Variants in NCAM2 observed in about 807,000 individuals in gnomAD.
NCAM2 encodes N-CAM-2.
NCAM2 carries 30 observed loss-of-function variants against 98.1 expected under a neutral mutation model. The ratio of observed to expected loss-of-function variants is 0.31; its 90% CI spans 0.23 to 0.41. The LOEUF (loss-of-function observed/expected upper bound fraction) is 0.41, where lower values mean the gene tolerates loss of function less well. Among genes scored for constraint, NCAM2 ranks in the 10% least tolerant of loss-of-function variants. NCAM2 has a pLI of 1.00. For synonymous variants in NCAM2, 368 were observed against 342.4 expected, an observed-to-expected ratio of 1.07 and a Z score of -0.83; for missense variants, 867 against 1,005.8, an observed-to-expected ratio of 0.86 and a Z score of 1.87.
At chr21:21,276,253 A>G (rs932656867) in intron 1 of NCAM2, among the ~76,000 whole-genome samples, 7 of 152,092 alleles carry the variant, frequency 4.6e-5, no homozygotes, top group Non-Finnish European at 1.0e-4. Context: ...GATATTAGAA[A>G]GTATTTCTTG....
At chr21:21,192,191 C>A (rs1236373894) in intron 1 of NCAM2, among the ~76,000 whole-genome samples, 1 of 151,896 alleles carries the variant, frequency 6.6e-6, no homozygotes, top group Non-Finnish European at 1.5e-5. Flanking sequence ...CCATTGCATT[C>A]CGGCTTGGGC....
chr21:21,242,955 G>C (rs964818574), intron 1 of NCAM2, among the ~76,000 whole-genome samples: 3 of 152,060 alleles, frequency 2.0e-5, no homozygotes, highest in African/African-American at 7.2e-5. Context: ...AAAACATATA[G>C]GGAAAGATAA....
At chr21:21,458,580 A>G (rs1290408134) in intron 12 of NCAM2, among the ~76,000 whole-genome samples, 1 of 152,184 alleles carries the variant, frequency 6.6e-6, no homozygotes, top group East Asian at 1.9e-4. Flanking sequence ...AATGTGAGGA[A>G]AAAGTGACAT....
chr21:21,504,306 T>A (rs1169617168), intron 15 of NCAM2, among the ~76,000 whole-genome samples: 1 of 151,926 alleles, frequency 6.6e-6, no homozygotes, highest in African/African-American at 2.4e-5. Context: ...ACTGATAATA[T>A]TGTTTTCCTA....
chr21:21,149,405 A>AT (rs1333058628), intron 1 of NCAM2, among the ~76,000 whole-genome samples: 2 of 151,866 alleles, frequency 1.3e-5, no homozygotes, highest in African/African-American at 4.8e-5. Context: ...CTACTTTTTG[A>AT]TTTTTTATTT....
chr21:21,057,893 C>T (rs1395534725), intron 1 of NCAM2, among the ~76,000 whole-genome samples: 1 of 151,952 alleles, frequency 6.6e-6, no homozygotes, highest in African/African-American at 2.4e-5. Flanking sequence ...TTAACTTTCC[C>T]TACCCCTTAT....
chr21:21,431,228 A>G (rs958470533), intron 11 of NCAM2, among the ~76,000 whole-genome samples: 4 of 151,590 alleles, frequency 2.6e-5, no homozygotes, highest in Non-Finnish European at 2.9e-5. Context: ...TGATAGGAAC[A>G]AAAGAGGAAG....
At chr21:21,393,923 A>G (rs1308153110) in intron 9 of NCAM2, among the ~76,000 whole-genome samples, 1 of 152,196 alleles carries the variant, frequency 6.6e-6, no homozygotes, top group Non-Finnish European at 1.5e-5. Context: ...AAGGAGAATA[A>G]TATTAGAAAT....
At chr21:21,079,534 A>G (rs1364316268) in intron 1 of NCAM2, among the ~76,000 whole-genome samples, 1 of 152,224 alleles carries the variant, frequency 6.6e-6, no homozygotes, top group African/African-American at 2.4e-5. Flanking sequence ...GGAAATGAAT[A>G]TCATGTTTTC....
chr21:21,038,666 C>T (rs1472533785), intron 1 of NCAM2, among the ~76,000 whole-genome samples: 11 of 152,290 alleles, frequency 7.2e-5, no homozygotes, highest in African/African-American at 2.4e-4. Context: ...CCCAGCCCTG[C>T]GGAACTGTAA....
intron 8 of NCAM2, among the ~76,000 whole-genome samples, chr21:21,358,986 C>T (rs1306720032): frequency 6.6e-6 from 1 of 151,870 alleles, no homozygotes; most frequent in African/African-American, 2.4e-5. Flanking sequence ...TAAGGAAAGC[C>T]AAGGTTATTT....
intron 1 of NCAM2, among the ~76,000 whole-genome samples, 174 bp from the exon 2 acceptor site, chr21:21,280,404 G>A (rs900367152): frequency 6.6e-6 from 1 of 152,076 alleles, no homozygotes; most frequent in Admixed American, 6.6e-5. Context: ...GCATAACAAA[G>A]TAATATGTAT....
intron 16 of NCAM2, among the ~76,000 whole-genome samples, chr21:21,511,063 T>C (rs1430628570): frequency 1.3e-5 from 2 of 152,018 alleles, no homozygotes; most frequent in Admixed American, 1.3e-4. Flanking sequence ...AATAATCAAA[T>C]CAGAATAATT....
At chr21:21,304,450 A>C (rs930701211) in intron 5 of NCAM2, among the ~76,000 whole-genome samples, 1 of 151,998 alleles carries the variant, frequency 6.6e-6, no homozygotes, top group Admixed American at 6.6e-5. Context: ...TAGGGAATCT[A>C]TTCTGTTCCA....
At chr21:21,525,862 A>C (rs1481887760) in intron 16 of NCAM2, among the ~76,000 whole-genome samples, 1 of 152,130 alleles carries the variant, frequency 6.6e-6, no homozygotes, top group Non-Finnish European at 1.5e-5. Flanking sequence ...TTAAAAAATC[A>C]ATGTAAATCC....
chr21:21,225,709 A>G (rs1331504196), intron 1 of NCAM2, among the ~76,000 whole-genome samples: 1 of 152,096 alleles, frequency 6.6e-6, no homozygotes, highest in Non-Finnish European at 1.5e-5. Flanking sequence ...GTTGTAAATT[A>G]TGCAGCAAAT....
intron 1 of NCAM2, among the ~76,000 whole-genome samples, chr21:21,134,722 T>C (rs922614146): frequency 2.0e-5 from 3 of 151,340 alleles, no homozygotes; most frequent in African/African-American, 7.3e-5. Context: ...TTTTTTTTTT[T>C]TTTCCTGAGT....
intron 9 of NCAM2, among the ~76,000 whole-genome samples, chr21:21,386,968 GC>G (rs1482929016): frequency 6.6e-6 from 1 of 152,096 alleles, no homozygotes; most frequent in Admixed American, 6.6e-5. Context: ...TGAAGACCTT[GC>G]CCTGGGAATC....
chr21:21,494,324 T>C (rs1987061005), intron 15 of NCAM2, among the ~76,000 whole-genome samples: 1 of 151,932 alleles, frequency 6.6e-6, no homozygotes, highest in South Asian at 2.1e-4. Flanking sequence ...GTTTGTACAA[T>C]GAAAATATAT....
Sources: gnomAD v4.1 joint callset for allele counts (sites outside exome capture counted in the v4.1 genomes callset) on GRCh38, gnomAD v4.1.1 for gene constraint, MANE v1.5 for transcripts, NCBI Gene and HGNC (gene_info 2026-07-23, HGNC 2026-07-21) for gene names.